Variants in TOM1L1 observed in about 807,000 individuals in gnomAD.
The protein encoded by TOM1L1 is target of myb1 like 1 membrane trafficking protein, also known as TOM1-like protein 1.
Under a neutral mutation model 63.4 loss-of-function variants are expected in TOM1L1, and 64 were observed. The observed-to-expected ratio is 1.01, with a 90% CI of 0.83 to 1.24. TOM1L1 has a LOEUF of 1.24. Ranked by LOEUF, TOM1L1 falls within the 50% of genes most tolerant of loss-of-function variation. TOM1L1 has a pLI of 0.00. For missense variants in TOM1L1, 536 were observed against 567.0 expected, an observed-to-expected ratio of 0.95 and a Z score of 0.55; for synonymous variants, 166 against 194.4, an observed-to-expected ratio of 0.85 and a Z score of 1.22.
At chr17:54,901,631 T>C (rs1483744887) in intron 1 of TOM1L1, among the ~76,000 whole-genome samples, 1 of 152,104 alleles carries the variant, frequency 6.6e-6, no homozygotes, top group African/African-American at 2.4e-5. Context: ...CTGCTCCTTC[T>C]TTTCCCTGAT....
chr17:54,923,329 A>G (rs2048713777), intron 7 of TOM1L1, among the ~76,000 whole-genome samples: 1 of 152,036 alleles, frequency 6.6e-6, no homozygotes, highest in African/African-American at 2.4e-5. Context: ...TGGCTGCACC[A>G]TTGTATATTC....
At chr17:54,943,441 GGTGTGTGTGTGTGTGTGT>G (rs10694555) in intron 11 of TOM1L1, among the ~76,000 whole-genome samples, 3 of 134,442 alleles carry the variant, frequency 2.2e-5, no homozygotes, top group African/African-American at 8.5e-5. Flanking sequence ...TTTGTATAAT[GGTGTGTGTGTGTGTGTGT>G]GTGTGTGTGT....
At chr17:54,961,156 T>G in intron 15 of TOM1L1, 79 bp from the exon 16 acceptor site, 1 of 1,011,074 alleles carries the variant, frequency 9.9e-7, no homozygotes, top group Non-Finnish European at 1.5e-6. Context: ...AGCTTCCCAG[T>G]AAAGACAAGA....
rs372776781 is a variant in TOM1L1 at position 54,958,748 on chromosome 17, A to AAAAGGG, written c.1371-1818_1371-1817insAAAGGG. Among the ~76,000 whole-genome samples, 392 of 118,930 alleles carry AAAAGGG rather than the reference A, an allele frequency of 3.3e-3. 1 individual carries two copies. The highest frequency in any genetic ancestry group is 0.023 in the South Asian group (91 of 3,878). The allele number at this position is 118,930 out of a possible 152,430, so 78.0% of individuals were successfully genotyped here. A position where few individuals can be genotyped will look rare whatever the true frequency, so the allele number is the denominator to read the frequency against. ...TCCATCTCAAAAAAAAAAAAAAAAA[A>AAAAGGG]GGGGTTGTTGGTAGCTAGAGGATAC... On this transcript the variant is annotated intron_variant, in intron 14 of 15. Coordinates refer to ENST00000575882, the MANE Select transcript of TOM1L1 (RefSeq NM_005486.3).
chr17:54,934,606 C>G (rs1212060505), intron 8 of TOM1L1, among the ~76,000 whole-genome samples: 1 of 152,006 alleles, frequency 6.6e-6, no homozygotes, highest in African/African-American at 2.4e-5. Flanking sequence ...AATAGTTGTG[C>G]AAATAAAGAA....
At chr17:54,901,457 A>T (rs2048325840) in intron 1 of TOM1L1, among the ~76,000 whole-genome samples, 2 of 152,076 alleles carry the variant, frequency 1.3e-5, no homozygotes, top group Non-Finnish European at 2.9e-5. Context: ...TTGGCATTGG[A>T]GTGAAGAGGA....
At chr17:54,909,104 C>G (rs2048457526) in intron 3 of TOM1L1, among the ~76,000 whole-genome samples, 1 of 152,056 alleles carries the variant, frequency 6.6e-6, no homozygotes. Context: ...ACTGAAAATA[C>G]AAAAACTAGC....
At chr17:54,901,968 G>A (rs1369822091) in intron 1 of TOM1L1, among the ~76,000 whole-genome samples, 1 of 152,032 alleles carries the variant, frequency 6.6e-6, no homozygotes, top group East Asian at 1.9e-4. Context: ...ATAGGCAAAC[G>A]AAACTTCAGC....
chr17:54,925,644 C>T (rs778188284), intron 7 of TOM1L1, among the ~76,000 whole-genome samples: 1 of 152,192 alleles, frequency 6.6e-6, no homozygotes, highest in Admixed American at 6.5e-5. Context: ...TGGAGCACGC[C>T]TGTAATCTCA....
rs2077122962 is a variant in TOM1L1 at position 54,961,444 on chromosome 17, T to C, written c.*211T>C. 3 of 1,497,168 alleles carry C rather than the reference T, an allele frequency of 2.0e-6. No homozygotes were observed. The highest frequency in any genetic ancestry group is 4.7e-5 in the Admixed American group (2 of 42,518). 92.7% of individuals were successfully genotyped at this position (1,497,168 alleles called of 1,614,324 possible). On this transcript the variant is annotated 3_prime_UTR_variant, in exon 16 of 16. Transcript: ENST00000575882. ...AGCGTGAGATTTCAACAGAACTTGT[T>C]TGGAACAAATACTCACTTAAAACTT...
At chr17:54,944,607 T>C (rs1030705113) in intron 11 of TOM1L1, among the ~76,000 whole-genome samples, 1 of 152,230 alleles carries the variant, frequency 6.6e-6, no homozygotes, top group Non-Finnish European at 1.5e-5. Context: ...GTGAAGTCTC[T>C]TAGTTTTACT....
At chr17:54,947,337 C>T (rs1291210315) in intron 12 of TOM1L1, 25 bp downstream of exon 12, 1 of 1,610,706 alleles carries the variant, frequency 6.2e-7, no homozygotes, top group Non-Finnish European at 8.5e-7. Flanking sequence ...TCTTTTCTAG[C>T]AGTGCATCTA....
At chr17:54,906,812 T>A in intron 3 of TOM1L1, 2 of 985,552 alleles carry the variant, frequency 2.0e-6, no homozygotes, top group South Asian at 9.4e-5. Context: ...TACTTTAGTA[T>A]GTGTTGCAAG....
chr17:54,905,400 C>A, intron 2 of TOM1L1, 89 bp from the exon 3 acceptor site: 1 of 861,400 alleles, frequency 1.2e-6, no homozygotes, highest in Non-Finnish European at 1.9e-6. Context: ...CTTAGCCATT[C>A]CTCTCTCCAA....
At position 54,952,417 on chromosome 17, in the gene TOM1L1, C is replaced by T. The variant is rs377639921; in HGVS notation, c.1370+2291C>T. On this transcript the variant is annotated intron_variant, in intron 14 of 15. Coordinates refer to ENST00000575882, the MANE Select transcript of TOM1L1 (RefSeq NM_005486.3). Reference sequence around the variant, plus strand: ...CAAAAATTAGGCAGGTGTGGTGGTGCGCACCTGTAGTCCCAGCTACTCAGG... The same window carrying T: ...CAAAAATTAGGCAGGTGTGGTGGTGTGCACCTGTAGTCCCAGCTACTCAGG... 1.5e-3 allele frequency: 221 copies of T among 151,886 alleles called. 6 individuals are homozygous for T. In the South Asian group the frequency reaches 0.043, roughly 30 times the overall value. 9.4% of individuals were successfully genotyped at this position (151,886 alleles called of 1,614,324 possible).
intron 7 of TOM1L1, chr17:54,916,134 G>A (rs1406201344): frequency 2.2e-5 from 9 of 411,810 alleles, no homozygotes; most frequent in Non-Finnish European, 4.3e-6. Context: ...GTTGTTTTAA[G>A]TATGTAAAAA....
At chr17:54,953,791 G>A (rs145526410) in intron 14 of TOM1L1, 1 of 152,318 alleles carries the variant, frequency 6.6e-6, no homozygotes, top group East Asian at 1.9e-4. Context: ...TTGGAAAGGG[G>A]GAGTATGTGG....
intron 11 of TOM1L1, 35 bp downstream of exon 11, chr17:54,939,055 A>C: frequency 8.9e-6 from 12 of 1,351,844 alleles, no homozygotes; most frequent in Non-Finnish European, 1.3e-5. Flanking sequence ...AACTAATATC[A>C]TGACATTTAG....
intron 14 of TOM1L1, among the ~76,000 whole-genome samples, chr17:54,958,858 G>GA (rs34154827): frequency 0.065 from 9,879 of 152,180 alleles, 466 homozygotes; most frequent in Non-Finnish European, 0.1. Flanking sequence ...GAGAATCTGT[G>GA]AATGTTGAAG....
Sources: allele counts gnomAD v4.1 joint callset (sites outside exome capture counted in the v4.1 genomes callset), GRCh38; gene constraint gnomAD v4.1.1; transcripts MANE v1.5; gene names NCBI Gene and HGNC (gene_info 2026-07-23, HGNC 2026-07-21).